DAB2IP: variants seen among roughly 807,000 people sequenced by gnomAD.
The protein encoded by DAB2IP is disabled homolog 2-interacting protein.
In DAB2IP, 28 loss-of-function variants were observed where a neutral mutation model predicts 107.2. The ratio of observed to expected loss-of-function variants is 0.26; its 90% CI spans 0.19 to 0.36. The LOEUF is 0.36. DAB2IP is among the 10% of genes least tolerant of loss of function. The pLI is 1.00. For missense variants in DAB2IP, 1,400 were observed against 1,644.7 expected (o/e 0.85, Z 2.57); for synonymous variants, 755 against 706.4 (o/e 1.07, Z -1.09).
In DAB2IP at chr9:121,760,794, A is replaced by G. The variant is rs1372469028; in HGVS notation, c.1170+355A>G. On this transcript the variant is annotated intron_variant, in intron 6 of 15. Transcript: ENST00000408936. This position sits in a 1 kb window ranked among gnomAD's most constrained non-coding sequence, Gnocchi z 5.9. Reference sequence around the variant, plus strand: ...GCTCTCCCAGCACACAGGTCCCACAACGCCACCAGCCGCAGTGAGCCAAAC... The same window carrying G: ...GCTCTCCCAGCACACAGGTCCCACAGCGCCACCAGCCGCAGTGAGCCAAAC... Among the ~76,000 whole-genome samples, 2 of 152,092 alleles carry G rather than the reference A, an allele frequency of 1.3e-5. No individual in the cohort carries two copies. The highest frequency in any genetic ancestry group is 4.8e-5 in the African/African-American group (2 of 41,412).
intron 1 of DAB2IP, among the ~76,000 whole-genome samples, chr9:121,583,719 G>A (rs763794748): frequency 2.0e-5 from 3 of 152,186 alleles, no homozygotes; most frequent in South Asian, 4.1e-4. Context: ...CCTGCCATCC[G>A]TGGATCCCAG....
intron 1 of DAB2IP, among the ~76,000 whole-genome samples, chr9:121,593,080 G>A (rs917655033): frequency 1.3e-5 from 2 of 152,110 alleles, no homozygotes; most frequent in African/African-American, 4.8e-5. Flanking sequence ...ACTGGAGAAC[G>A]CGCCTGAATT....
chr9:121,675,959 T>C (rs1242961966), intron 1 of DAB2IP, among the ~76,000 whole-genome samples: 1 of 151,978 alleles, frequency 6.6e-6, no homozygotes, highest in Non-Finnish European at 1.5e-5. Context: ...ACTAGAGAGA[T>C]TGTGGAGGAG....
chr9:121,631,822 A>G (rs1004525624), intron 1 of DAB2IP, among the ~76,000 whole-genome samples: 3 of 150,398 alleles, frequency 2.0e-5, no homozygotes, highest in African/African-American at 7.3e-5. Context: ...CTAAAAAAAA[A>G]AAAAAAAAAA....
chr9:121,665,944 T>C (rs1443889908), intron 1 of DAB2IP, among the ~76,000 whole-genome samples: 1 of 152,270 alleles, frequency 6.6e-6, no homozygotes, highest in Non-Finnish European at 1.5e-5. Context: ...GATGTATTAG[T>C]GCCTGTGGCT....
chr9:121,757,495 G>GATTCCTACCCCCAATAAT (rs1564204937), intron 4 of DAB2IP, among the ~76,000 whole-genome samples: 1 of 150,656 alleles, frequency 6.6e-6, no homozygotes, highest in African/African-American at 2.5e-5. Context: ...ATGTCTTAGA[G>GATTCCTACCCCCAATAAT]CCTGCTCACC....
intron 1 of DAB2IP, among the ~76,000 whole-genome samples, chr9:121,627,376 G>C (rs1163199492): frequency 1.4e-5 from 2 of 146,076 alleles, no homozygotes; most frequent in African/African-American, 5.4e-5. Context: ...TACAGTTTTG[G>C]TGCTTTTTTT....
chr9:121,713,959 C>T (rs1272002843), intron 3 of DAB2IP, among the ~76,000 whole-genome samples: 1 of 152,144 alleles, frequency 6.6e-6, no homozygotes, highest in Non-Finnish European at 1.5e-5. Flanking sequence ...GGACAAGTCA[C>T]CTAATCTCTG....
chr9:121,689,526 T>C (rs752960842), intron 2 of DAB2IP, among the ~76,000 whole-genome samples: 11 of 138,864 alleles, frequency 7.9e-5, no homozygotes, highest in Non-Finnish European at 1.7e-4. Flanking sequence ...CTCCCACTAG[T>C]GTTTACTGGT....
chr9:121,730,026 G>A (rs1404074110), intron 3 of DAB2IP, among the ~76,000 whole-genome samples: 1 of 152,092 alleles, frequency 6.6e-6, no homozygotes, highest in Non-Finnish European at 1.5e-5. Context: ...GACCAGCTGG[G>A]CCACTCCACA....
At chr9:121,664,326 G>A (rs567004915) in intron 1 of DAB2IP, among the ~76,000 whole-genome samples, 2 of 152,324 alleles carry the variant, frequency 1.3e-5, no homozygotes, top group African/African-American at 4.8e-5. Flanking sequence ...ACCAGGTAAT[G>A]TAAGTCCCCC....
At chr9:121,737,127 A>G (rs943394495) in intron 3 of DAB2IP, 2 of 949,662 alleles carry the variant, frequency 2.1e-6, no homozygotes, top group Non-Finnish European at 2.5e-6. Flanking sequence ...TCAGTATGTT[A>G]GGGGAGGAGC....
intron 1 of DAB2IP, among the ~76,000 whole-genome samples, chr9:121,653,548 CTG>C (rs1203923889): frequency 6.6e-6 from 1 of 152,152 alleles, no homozygotes; most frequent in Non-Finnish European, 1.5e-5. Context: ...AGTGAAGAAA[CTG>C]AGAAATGGGA....
rs139538033 is a variant in DAB2IP, at chr9:121,737,477, C to T, written c.363-19536C>T. ...TAGGCTCACCTCTTAGATGCCGGCCCGGCCGAGAGGCCCCCTAATCTGTCC... is the reference window on the plus strand; with the variant it reads ...TAGGCTCACCTCTTAGATGCCGGCCTGGCCGAGAGGCCCCCTAATCTGTCC... On this transcript the variant is annotated intron_variant, in intron 3 of 15. Transcript: ENST00000408936. 384 of 985,456 alleles carry T rather than the reference C, an allele frequency of 3.9e-4. 4 individuals are homozygous for T. In the African/African-American group the frequency reaches 6.0e-3, roughly 15 times the overall value. 61.0% of individuals were successfully genotyped at this position (985,456 alleles called of 1,614,324 possible).
In DAB2IP at chr9:121,760,342, G is replaced by A; in HGVS notation, c.1073G>A (p.Gly358Glu). 1 of 1,613,174 alleles carries A rather than the reference G, an allele frequency of 6.2e-7. No individual in the cohort carries two copies. The highest frequency in any genetic ancestry group is 8.5e-7 in the Non-Finnish European group (1 of 1,180,010). ...GAGCACATCACCAACCACTACCTGG[G>A]GCTGTGTGCAGCCCTCGAGCCCATC... is the stretch of plus-strand genomic sequence containing the variant. Residue 358 changes from glycine (G) to glutamate (E), a missense_variant, in exon 6 of 16, where the codon GGG becomes GAG. Coordinates refer to ENST00000408936, the Ensembl canonical transcript of DAB2IP. This position sits in a 1 kb window ranked among gnomAD's most constrained non-coding sequence, Gnocchi z 5.9.
chr9:121,577,114 A>G (rs1227758501), intron 1 of DAB2IP, among the ~76,000 whole-genome samples: 1 of 152,162 alleles, frequency 6.6e-6, no homozygotes, highest in Non-Finnish European at 1.5e-5. Context: ...ACATCCCTCC[A>G]TGTCTTGTAG....
chr9:121,780,188 ATTTGTT>A (rs1048542090), intron 14 of DAB2IP, among the ~76,000 whole-genome samples: 7 of 152,168 alleles, frequency 4.6e-5, no homozygotes, highest in Non-Finnish European at 8.8e-5. Context: ...GCCCGGCCCT[ATTTGTT>A]TTTAAGACAA....
At chr9:121,667,959 ATGG>A (rs1251879701) in intron 1 of DAB2IP, among the ~76,000 whole-genome samples, 18 of 152,264 alleles carry the variant, frequency 1.2e-4, no homozygotes, top group Middle Eastern at 3.4e-3. Flanking sequence ...CACTTCTTAC[ATGG>A]TGGTGGAAAG....
intron 1 of DAB2IP, among the ~76,000 whole-genome samples, chr9:121,585,014 C>G (rs1830281563): frequency 6.6e-6 from 1 of 152,212 alleles, no homozygotes; most frequent in South Asian, 2.1e-4. Context: ...AAGCTGTCCT[C>G]CTGCCTCAGT....
Sources: gnomAD v4.1 joint callset for allele counts (sites outside exome capture counted in the v4.1 genomes callset) on GRCh38, gnomAD v4.1.1 for gene constraint, Gnocchi (gnomAD v3.1) non-coding constraint, MANE v1.5 for transcripts, NCBI Gene and HGNC (gene_info 2026-07-23, HGNC 2026-07-21) for gene names.